The following WIPF2 variants were observed in gnomAD, a reference collection of about 807,000 sequenced individuals.
WIPF2 encodes WAS/WASL interacting protein family member 2.
WIPF2 carries 23 observed loss-of-function variants against 38.8 expected under a neutral mutation model. The observed-to-expected ratio is 0.59, with a 90% CI of 0.43 to 0.84. The LOEUF (loss-of-function observed/expected upper bound fraction) is 0.84, where lower values mean the gene tolerates loss of function less well. Ranked by LOEUF, WIPF2 falls within the 40% of genes least tolerant of loss-of-function variation. The pLI is 0.00. For missense variants in WIPF2, 574 were observed against 580.5 expected, an observed-to-expected ratio of 0.99 and a Z score of 0.11; for synonymous variants, 210 against 223.2, an observed-to-expected ratio of 0.94 and a Z score of 0.53.
intron 2 of WIPF2, among the ~76,000 whole-genome samples, chr17:40,259,184 G>C (rs563064816): frequency 6.6e-6 from 1 of 151,048 alleles, no homozygotes; most frequent in Non-Finnish European, 1.5e-5. Context: ...GGCCGGCCTC[G>C]TGCTGATTTT....
chr17:40,230,071 C>G (rs2030675812), intron 1 of WIPF2, among the ~76,000 whole-genome samples: 1 of 152,154 alleles, frequency 6.6e-6, no homozygotes, highest in African/African-American at 2.4e-5. Context: ...GGCATGGTGG[C>G]TCATGCCTGT....
intron 1 of WIPF2, among the ~76,000 whole-genome samples, chr17:40,222,606 T>TGTCTGCGTGC (rs1300589128): frequency 7.3e-5 from 11 of 150,712 alleles, no homozygotes; most frequent in African/African-American, 2.7e-4. Context: ...TGTGTGTGTG[T>TGTCTGCGTGC]CTGCGTGCCA....
At chr17:40,273,375 GA>G (rs1366908237) in intron 5 of WIPF2, among the ~76,000 whole-genome samples, 2 of 152,108 alleles carry the variant, frequency 1.3e-5, no homozygotes, top group African/African-American at 4.8e-5. Context: ...CAAAGCCTTT[GA>G]AAAAACTGGA....
intron 3 of WIPF2, among the ~76,000 whole-genome samples, chr17:40,262,187 C>T (rs1041817724): frequency 6.8e-6 from 1 of 148,084 alleles, no homozygotes; most frequent in African/African-American, 2.5e-5. Context: ...CTCAATCGAG[C>T]CTCCCATCTC....
chr17:40,221,242 A>C (rs1219266242), intron 1 of WIPF2, among the ~76,000 whole-genome samples: 2 of 152,196 alleles, frequency 1.3e-5, no homozygotes, highest in African/African-American at 4.8e-5. Flanking sequence ...ACAAATCAGA[A>C]GAGAACCACA....
intron 5 of WIPF2, among the ~76,000 whole-genome samples, chr17:40,270,227 G>A (rs1301907246): frequency 1.3e-5 from 2 of 151,852 alleles, no homozygotes; most frequent in Admixed American, 6.6e-5. Flanking sequence ...TGAGCCGGGC[G>A]TGGTGGCGGG....
At chr17:40,232,801 G>A (rs1184539152) in intron 1 of WIPF2, among the ~76,000 whole-genome samples, 1 of 150,450 alleles carries the variant, frequency 6.6e-6, no homozygotes, top group African/African-American at 2.4e-5. Flanking sequence ...ACCATGCCCG[G>A]CTAATTTTGC....
intron 1 of WIPF2, among the ~76,000 whole-genome samples, chr17:40,251,121 A>T (rs891039519): frequency 2.0e-5 from 3 of 151,138 alleles, no homozygotes; most frequent in Admixed American, 2.0e-4. Context: ...TCACTGTGTT[A>T]GCCAGGATGG....
At chr17:40,257,759 A>G (rs2031775771) in intron 2 of WIPF2, among the ~76,000 whole-genome samples, 1 of 151,688 alleles carries the variant, frequency 6.6e-6, no homozygotes, top group Non-Finnish European at 1.5e-5. Context: ...AAAAAAAAAA[A>G]AGGAAAGGAG....
At chr17:40,273,554 A>T in intron 5 of WIPF2, 1 of 485,500 alleles carries the variant, frequency 2.1e-6, no homozygotes, top group Non-Finnish European at 3.6e-6. Flanking sequence ...GCAGGAAAAA[A>T]ATCAAGAACA....
At chr17:40,263,771 G>A (rs2031989537) in intron 4 of WIPF2, among the ~76,000 whole-genome samples, 2 of 151,810 alleles carry the variant, frequency 1.3e-5, no homozygotes, top group South Asian at 4.2e-4. Flanking sequence ...TCAAACTTCT[G>A]ACCTCAAGTG....
At chr17:40,227,050 A>AT (rs1284672701) in intron 1 of WIPF2, among the ~76,000 whole-genome samples, 3 of 146,432 alleles carry the variant, frequency 2.0e-5, no homozygotes, top group Non-Finnish European at 3.0e-5. Context: ...CTATTTATTT[A>AT]TTTTTTTTTG....
chr17:40,232,250 C>T (rs927443827), intron 1 of WIPF2, among the ~76,000 whole-genome samples: 2 of 137,884 alleles, frequency 1.5e-5, no homozygotes, highest in African/African-American at 2.8e-5. Context: ...AGTACAGTGG[C>T]GTGATCTCAG....
intron 1 of WIPF2, among the ~76,000 whole-genome samples, chr17:40,245,992 A>G (rs1197180850): frequency 6.6e-6 from 1 of 151,538 alleles, no homozygotes; most frequent in African/African-American, 2.4e-5. Flanking sequence ...TTTCATAGAT[A>G]TCTCCATTCT....
intron 4 of WIPF2, among the ~76,000 whole-genome samples, 168 bp from the exon 5 acceptor site, chr17:40,264,322 G>A (rs1465836770): frequency 6.3e-5 from 5 of 79,568 alleles, no homozygotes; most frequent in African/African-American, 1.7e-4. Flanking sequence ...GCGAAACTTC[G>A]TCTCAAAAAA....
At chr17:40,232,923 C>G (rs2030812598) in intron 1 of WIPF2, among the ~76,000 whole-genome samples, 1 of 152,182 alleles carries the variant, frequency 6.6e-6, no homozygotes, top group African/African-American at 2.4e-5. Context: ...CAGGCGTGAG[C>G]CACCATACCT....
intron 1 of WIPF2, among the ~76,000 whole-genome samples, chr17:40,252,769 GT>G (rs1192585223): frequency 2.4e-4 from 35 of 145,026 alleles, no homozygotes; most frequent in East Asian, 1.6e-3. Flanking sequence ...GGTTTGTTTG[GT>G]TTTTTTTTTT....
chr17:40,226,111 A>C (rs2030470383), intron 1 of WIPF2, among the ~76,000 whole-genome samples: 1 of 151,680 alleles, frequency 6.6e-6, no homozygotes, highest in Non-Finnish European at 1.5e-5. Context: ...GCTGAATCGA[A>C]TAATCTTTTT....
chr17:40,233,515 A>G (rs562583712), intron 1 of WIPF2, among the ~76,000 whole-genome samples: 1 of 151,658 alleles, frequency 6.6e-6, no homozygotes, highest in African/African-American at 2.4e-5. Flanking sequence ...TGATAGATGA[A>G]GTCTTGCTGT....
Sources: gnomAD v4.1 joint callset for allele counts (sites outside exome capture counted in the v4.1 genomes callset) on GRCh38, gnomAD v4.1.1 for gene constraint, MANE v1.5 for transcripts, NCBI Gene and HGNC (gene_info 2026-07-23, HGNC 2026-07-21) for gene names.